The following DDX50 variants were observed in gnomAD, a reference collection of about 807,000 sequenced individuals.
DDX50 encodes DExD-box helicase 50.
In DDX50, 56 loss-of-function variants were observed where a neutral mutation model predicts 94.8. The observed-to-expected ratio is 0.59, with a 90% CI of 0.48 to 0.74. The LOEUF (loss-of-function observed/expected upper bound fraction) is 0.74, where lower values mean the gene tolerates loss of function less well. Among genes scored for constraint, DDX50 ranks in the 30% least tolerant of loss-of-function variants. The pLI is 0.00. For synonymous variants in DDX50, 264 were observed against 295.4 expected (o/e 0.89, Z 1.09); for missense variants, 713 against 881.2 (o/e 0.81, Z 2.42).
chr10:68,903,490 A>G (rs997717398), intron 1 of DDX50, among the ~76,000 whole-genome samples: 4 of 151,370 alleles, frequency 2.6e-5, no homozygotes, highest in African/African-American at 9.7e-5. Context: ...ACATGGTGAA[A>G]CACCATCTCT....
rs148001183 is a variant in DDX50 at position 68,918,403 on chromosome 10, T to C, written c.1090-1429T>C. The stretch of plus-strand genomic sequence containing the variant: ...ACCCCAGAAGGAAACCCAACAACCG[T>C]TAAACAGTTACTCTCCATTCCCTCC... On this transcript the variant is annotated intron_variant, in intron 7 of 14. Coordinates refer to ENST00000373585, the MANE Select transcript of DDX50 (RefSeq NM_024045.2). Among the ~76,000 whole-genome samples, 216 of 151,124 alleles carry C rather than the reference T, an allele frequency of 1.4e-3. 2 individuals are homozygous for C. The highest frequency in any genetic ancestry group is 5.1e-3 in the African/African-American group (208 of 41,136).
intron 1 of DDX50, among the ~76,000 whole-genome samples, chr10:68,902,827 T>A (rs1386643850): frequency 6.6e-6 from 1 of 152,254 alleles, no homozygotes; most frequent in Non-Finnish European, 1.5e-5. Flanking sequence ...TGTACCGTTA[T>A]CTAGTTTCAG....
chr10:68,945,594 A>C (rs1280292968), intron 14 of DDX50, among the ~76,000 whole-genome samples: 1 of 152,178 alleles, frequency 6.6e-6, no homozygotes, highest in Non-Finnish European at 1.5e-5. Flanking sequence ...GACATGAGCT[A>C]CTGTGCCCGG....
At chr10:68,938,453 C>A (rs1463993295) in intron 12 of DDX50, among the ~76,000 whole-genome samples, 1 of 152,128 alleles carries the variant, frequency 6.6e-6, no homozygotes, top group Non-Finnish European at 1.5e-5. Context: ...AATAAGAGTT[C>A]TGTTATGTCT....
rs763856954 is a variant in DDX50 at position 68,910,344 on chromosome 10, A to G, written c.422A>G (p.Asn141Ser). 1.9e-6 allele frequency: 3 copies of G among 1,606,474 alleles called. No homozygotes were observed. Among genetic ancestry groups the G allele is most frequent in the Non-Finnish European group, 1.7e-6 (2 of 1,178,226 alleles). Residue 141 changes from asparagine (N) to serine (S), a missense_variant, in exon 3 of 15, where the codon AAT (asparagine) becomes AGT (serine). Transcript: ENST00000373585. ...GAACAGAAAGAAGGAGCCTTCTCCAATTTTCCTATTTCTGAAGAGACTATA... is the reference window on the plus strand; with the variant it reads ...GAACAGAAAGAAGGAGCCTTCTCCAGTTTTCCTATTTCTGAAGAGACTATA... ...TREQKEGAFS[N>S]FPISEETIKL...
At chr10:68,930,119 T>C (rs1339892888) in intron 8 of DDX50, among the ~76,000 whole-genome samples, 2 of 138,088 alleles carry the variant, frequency 1.4e-5, no homozygotes, top group Non-Finnish European at 3.2e-5. Context: ...CTTTCCTTTT[T>C]TTTTTTTTTT....
At chr10:68,908,183 G>T (rs1284776828) in intron 2 of DDX50, among the ~76,000 whole-genome samples, 1 of 152,160 alleles carries the variant, frequency 6.6e-6, no homozygotes, top group East Asian at 1.9e-4. Flanking sequence ...GGGCGCAGTG[G>T]CTCACGCCTG....
intron 12 of DDX50, among the ~76,000 whole-genome samples, chr10:68,937,388 A>G (rs1431915797): frequency 1.5e-5 from 1 of 68,230 alleles, no homozygotes; most frequent in Non-Finnish European, 3.9e-5. Flanking sequence ...TTTTAGCTCT[A>G]ATTTGTAATT....
At chr10:68,937,398 T>A (rs1842449024) in intron 12 of DDX50, among the ~76,000 whole-genome samples, 1 of 151,108 alleles carries the variant, frequency 6.6e-6, no homozygotes. Flanking sequence ...AATTTGTAAT[T>A]AAAAAAAAAA....
At chr10:68,937,120 C>A in intron 12 of DDX50, 25 bp downstream of exon 12, 2 of 1,571,712 alleles carry the variant, frequency 1.3e-6, no homozygotes, top group Non-Finnish European at 1.7e-6. Context: ...GAAAATTGTA[C>A]ATGAGTGGGA....
Position 68,934,425 on chromosome 10 carries a change from A to C in DDX50, c.1401+65A>C. ...TTTATAAATTCCCATTTAATTTACA[A>C]CATATTGCTTGGGATGTGAAAAATA... On this transcript the variant is annotated intron_variant, in intron 9 of 14. Coordinates refer to ENST00000373585, the MANE Select transcript of DDX50 (RefSeq NM_024045.2). The surrounding 1 kb of genome is among the most constrained non-coding windows in gnomAD (Gnocchi z 4.0). 1 of 1,595,906 alleles carries C rather than the reference A, an allele frequency of 6.3e-7. No homozygotes were observed. The highest frequency in any genetic ancestry group is 8.5e-7 in the Non-Finnish European group (1 of 1,172,660).
At chr10:68,903,221 A>G (rs1245281773) in intron 1 of DDX50, among the ~76,000 whole-genome samples, 2 of 151,784 alleles carry the variant, frequency 1.3e-5, no homozygotes, top group African/African-American at 4.8e-5. Flanking sequence ...TTTTGTAGAG[A>G]CCCTGTCTCT....
chr10:68,917,134 C>T (rs972704646), intron 7 of DDX50, among the ~76,000 whole-genome samples: 3 of 151,100 alleles, frequency 2.0e-5, no homozygotes, highest in Non-Finnish European at 3.0e-5. Flanking sequence ...TCTATAGTTC[C>T]TTTTTTTTTC....
chr10:68,910,008 T>G (rs1429578365), intron 2 of DDX50, among the ~76,000 whole-genome samples: 1 of 152,136 alleles, frequency 6.6e-6, no homozygotes, highest in Admixed American at 6.5e-5. Context: ...CTGGATAACA[T>G]GGTGAGACCC....
At chr10:68,914,485 C>CA (rs1253817838) in intron 7 of DDX50, among the ~76,000 whole-genome samples, 1 of 151,684 alleles carries the variant, frequency 6.6e-6, no homozygotes, top group East Asian at 1.9e-4. Context: ...TAAAGCCGCT[C>CA]AAAAACAAAA....
At chr10:68,909,788 G>A (rs1306446547) in intron 2 of DDX50, among the ~76,000 whole-genome samples, 3 of 152,000 alleles carry the variant, frequency 2.0e-5, no homozygotes, top group Admixed American at 6.6e-5. Context: ...TCAGCCTCCC[G>A]AGTAGCTGGG....
chr10:68,910,432 T>A, intron 3 of DDX50, 50 bp downstream of exon 3: 4 of 1,476,794 alleles, frequency 2.7e-6, no homozygotes, highest in Non-Finnish European at 3.7e-6. Context: ...AGACAGAGCC[T>A]CGCTCTGTTG....
intron 7 of DDX50, among the ~76,000 whole-genome samples, chr10:68,918,070 G>A (rs1165665463): frequency 6.6e-5 from 10 of 151,796 alleles, no homozygotes; most frequent in African/African-American, 1.9e-4. Flanking sequence ...GATTACAGGC[G>A]TCTGCCACCA....
At chr10:68,921,193 AT>A (rs1196750603) in intron 8 of DDX50, among the ~76,000 whole-genome samples, 2 of 151,916 alleles carry the variant, frequency 1.3e-5, no homozygotes, top group Admixed American at 6.5e-5. Context: ...AAAAAAAAAA[AT>A]AACAATACTG....
Sources: allele counts gnomAD v4.1 joint callset (sites outside exome capture counted in the v4.1 genomes callset), GRCh38; gene constraint gnomAD v4.1.1; non-coding constraint Gnocchi (gnomAD v3.1); transcripts MANE v1.5; gene names NCBI Gene and HGNC (gene_info 2026-07-23, HGNC 2026-07-21).